Variants in RELN observed in about 807,000 individuals in gnomAD.
The protein encoded by RELN is reelin.
RELN carries 108 observed loss-of-function variants against 427.6 expected under a neutral mutation model. The ratio of observed to expected loss-of-function variants is 0.25; its 90% CI spans 0.22 to 0.30. The LOEUF is 0.30. Among genes scored for constraint, RELN ranks in the 10% least tolerant of loss-of-function variants. The probability of loss-of-function intolerance (pLI) is 1.00; values close to 1 mark genes in which losing one functional copy is unlikely to be tolerated. For synonymous variants in RELN, 1,524 were observed against 1,513.4 expected, an observed-to-expected ratio of 1.01 and a Z score of -0.16; for missense variants, 3,715 against 4,302.8, an observed-to-expected ratio of 0.86 and a Z score of 3.82.
chr7:103,643,831 T>C (rs1345855036), intron 16 of RELN, among the ~76,000 whole-genome samples: 1 of 151,954 alleles, frequency 6.6e-6, no homozygotes, highest in Non-Finnish European at 1.5e-5. Flanking sequence ...AGCCACAAAC[T>C]CCTGAAATCA....
intron 60 of RELN, among the ~76,000 whole-genome samples, chr7:103,488,518 G>T (rs1828526692): frequency 6.6e-6 from 1 of 152,182 alleles, no homozygotes; most frequent in Non-Finnish European, 1.5e-5. Context: ...TAACATCAGA[G>T]ATGTGCAGCA....
chr7:103,837,026 T>TTC (rs1793426662), intron 2 of RELN, among the ~76,000 whole-genome samples: 1 of 151,698 alleles, frequency 6.6e-6, no homozygotes, highest in African/African-American at 2.4e-5. Context: ...TTAAAAAATA[T>TTC]TCTCCTATGT....
intron 57 of RELN, among the ~76,000 whole-genome samples, chr7:103,494,630 C>T (rs1828777538): frequency 6.6e-6 from 1 of 150,660 alleles, no homozygotes; most frequent in African/African-American, 2.5e-5. Flanking sequence ...GAGATCCTTC[C>T]TCCTTGGCCT....
rs1190085701 is a variant in RELN, at chr7:103,949,906, T to C, written c.227-32721A>G. Among the ~76,000 whole-genome samples the C allele has an allele frequency of 3.3e-5, 5 of 152,330 alleles. No individual in the cohort carries two copies. In the East Asian group the frequency reaches 9.6e-4, roughly 29 times the overall value. ...CTGAATTTATATTTCTGTGTCAAAA[T>C]GCCAAAGAAAGCAATTTACATCAAG... On this transcript the variant is annotated intron_variant, in intron 1 of 64. Coordinates refer to ENST00000428762, the MANE Select transcript of RELN (RefSeq NM_005045.4).
At chr7:103,931,728 G>A (rs907558834) in intron 1 of RELN, among the ~76,000 whole-genome samples, 1 of 152,100 alleles carries the variant, frequency 6.6e-6, no homozygotes, top group Admixed American at 6.6e-5. Flanking sequence ...ATGTCAATTC[G>A]CACAGGATGT....
In RELN at chr7:103,472,787, G is replaced by GA. The variant is rs746857941; in HGVS notation, c.*24dup. 2.5e-5 allele frequency: 39 copies of GA among 1,552,214 alleles called. No homozygotes were observed. Among genetic ancestry groups the GA allele is most frequent in the Non-Finnish European group, 3.3e-5 (37 of 1,124,014 alleles). Reference sequence around the variant, plus strand: ...GAGAGCAACACATCACATGTTGGAAGAAAAAAAATAAACTTTTTGATTCTT... The same window carrying GA: ...GAGAGCAACACATCACATGTTGGAAGAAAAAAAAATAAACTTTTTGATTCTT... On this transcript the variant is annotated 3_prime_UTR_variant, in exon 65 of 65. Transcript: ENST00000428762.
chr7:103,574,333 T>C lies in RELN; in HGVS notation c.4304-34A>G, dbSNP rs777108882. ...AAAGAAATAGAGAGGAGAGATGCTT[T>C]GTTGGAATCATTCAAAACGAGGTCT... On this transcript the variant is annotated intron_variant, in intron 29 of 64. Coordinates refer to ENST00000428762, the MANE Select transcript of RELN (RefSeq NM_005045.4). 12 of 1,578,912 alleles carry C rather than the reference T, an allele frequency of 7.6e-6. No homozygotes were observed. The South Asian group carries it at 1.3e-4, about 18-fold the overall frequency.
rs147522813 is a variant in RELN, at chr7:103,678,045, C to T, written c.1289+4071G>A. Among the ~76,000 whole-genome samples the T allele has an allele frequency of 2.7e-3, 404 of 152,218 alleles. 2 individuals are homozygous for T. Among genetic ancestry groups the T allele is most frequent in the African/African-American group, 9.1e-3 (377 of 41,534 alleles). On this transcript the variant is annotated intron_variant, in intron 11 of 64. Transcript: ENST00000428762. ...CATTTTCCGTCATTTCCAAGGATTT[C>T]GGGCAGGTGGGGAAGACTACAGCAT...
At position 103,544,220 on chromosome 7, in the gene RELN, C is replaced by CTTTTT. The variant is rs71154356; in HGVS notation, c.6523+899_6523+903dup. 2.8e-5 allele frequency among the ~76,000 whole-genome samples: 2 copies of CTTTTT among 71,222 alleles called. 1 individual carries two copies. The highest frequency in any genetic ancestry group is 1.1e-4 in the African/African-American group (2 of 19,042). 46.7% of individuals were successfully genotyped at this position (71,222 alleles called of 152,430 possible). A position where few individuals can be genotyped will look rare whatever the true frequency, so the allele number is the denominator to read the frequency against. On this transcript the variant is annotated intron_variant, in intron 42 of 64. Coordinates refer to ENST00000428762, the MANE Select transcript of RELN (RefSeq NM_005045.4). ...AAAACTGAGCAAAAAGAAAGAAAAT[C>CTTTTT]TTTTTTTTTTTTTTTTTTTTTTTTT...
At chr7:103,831,409 T>C (rs1793270876) in intron 3 of RELN, among the ~76,000 whole-genome samples, 1 of 151,888 alleles carries the variant, frequency 6.6e-6, no homozygotes, top group Non-Finnish European at 1.5e-5. Context: ...CAAAAAGAAA[T>C]AAGAATTTGT....
intron 28 of RELN, among the ~76,000 whole-genome samples, chr7:103,583,777 TG>T (rs1487475128): frequency 6.6e-6 from 1 of 152,124 alleles, no homozygotes; most frequent in African/African-American, 2.4e-5. Context: ...CTTGGAACTA[TG>T]GGGAAAGAGC....
At chr7:103,494,541 ATTTTTT>A (rs35989965) in intron 57 of RELN, among the ~76,000 whole-genome samples, 1 of 126,174 alleles carries the variant, frequency 7.9e-6, no homozygotes, top group African/African-American at 2.9e-5. Context: ...CGCCCAGCTA[ATTTTTT>A]TTTTTTTTTT....
chr7:103,661,267 A>G (rs1833133125), intron 12 of RELN, 109 bp downstream of exon 12: 1 of 1,250,338 alleles, frequency 8.0e-7, no homozygotes, highest in African/African-American at 1.5e-5. Flanking sequence ...CTCACGTTTC[A>G]TGAATTTTCA....
chr7:103,529,472 C>T (rs886715559), intron 46 of RELN, among the ~76,000 whole-genome samples: 3 of 151,516 alleles, frequency 2.0e-5, no homozygotes, highest in Non-Finnish European at 4.4e-5. Flanking sequence ...ATTTGGGTTA[C>T]CTGCCCTTCC....
chr7:103,883,612 A>T (rs1794656177), intron 2 of RELN, among the ~76,000 whole-genome samples: 1 of 152,252 alleles, frequency 6.6e-6, no homozygotes, highest in African/African-American at 2.4e-5. Context: ...AATGTGCAAA[A>T]GTCACAAGCA....
At chr7:103,692,346 A>G (rs902809802) in intron 10 of RELN, among the ~76,000 whole-genome samples, 1 of 152,086 alleles carries the variant, frequency 6.6e-6, no homozygotes, top group African/African-American at 2.4e-5. Flanking sequence ...ATTTCCAGAG[A>G]ATCTACTGGT....
At chr7:103,508,390 A>G (rs968069375) in intron 51 of RELN, among the ~76,000 whole-genome samples, 6 of 152,210 alleles carry the variant, frequency 3.9e-5, no homozygotes, top group African/African-American at 1.2e-4. Flanking sequence ...CCAACATATA[A>G]ATGACAAAAA....
intron 21 of RELN, 71 bp downstream of exon 21, chr7:103,611,536 ATTTT>A: frequency 3.2e-6 from 3 of 945,656 alleles, no homozygotes; most frequent in South Asian, 1.6e-5. Context: ...TAGAACTGTA[ATTTT>A]TTTTTTTTTT....
At chr7:103,931,622 G>T (rs776610640) in intron 1 of RELN, among the ~76,000 whole-genome samples, 2 of 152,206 alleles carry the variant, frequency 1.3e-5, no homozygotes, top group Non-Finnish European at 2.9e-5. Context: ...GGTAAATACA[G>T]TTGAAGTCCC....
Sources: allele counts gnomAD v4.1 joint callset (sites outside exome capture counted in the v4.1 genomes callset), GRCh38; gene constraint gnomAD v4.1.1; transcripts MANE v1.5; gene names NCBI Gene and HGNC (gene_info 2026-07-23, HGNC 2026-07-21).